The following RPSA2 variants were observed in gnomAD, a reference collection of about 807,000 sequenced individuals.
RPSA2 encodes the protein small ribosomal subunit protein uS2B.
At chr19:23,858,059 G>C in the RPSA2 span, among the ~76,000 whole-genome samples, 3 of 151,518 alleles carry the variant, frequency 2.0e-5, no homozygotes, top group East Asian at 5.9e-4. Flanking sequence ...TTACTTTGGG[G>C]TTTGTGCATG....
the RPSA2 span, among the ~76,000 whole-genome samples, chr19:23,858,728 C>T: frequency 2.1e-3 from 315 of 152,310 alleles, 1 homozygote; most frequent in Middle Eastern, 0.017. Context: ...AAAATGGTAG[C>T]TCCATCTTCC....
the RPSA2 span, chr19:23,758,871 G>A: frequency 2.9e-6 from 4 of 1,402,424 alleles, no homozygotes; most frequent in East Asian, 2.3e-5. Flanking sequence ...GAGACCCGGA[G>A]CTCGGGCTGA....
At chr19:23,800,266 T>G in the RPSA2 span, among the ~76,000 whole-genome samples, 1 of 152,014 alleles carries the variant, frequency 6.6e-6, no homozygotes, top group Non-Finnish European at 1.5e-5. Context: ...ATGGTCTCTA[T>G]CTCCTGATTT....
chr19:23,827,506 C>A, the RPSA2 span: 1 of 1,597,078 alleles, frequency 6.3e-7, no homozygotes. Context: ...TCCAGGCAGC[C>A]TTCTGGGAGC....
At chr19:23,851,134 GT>G in the RPSA2 span, among the ~76,000 whole-genome samples, 1 of 152,200 alleles carries the variant, frequency 6.6e-6, no homozygotes, top group Admixed American at 6.5e-5. Flanking sequence ...GCCTGAAAAG[GT>G]GTCTACAGAA....
the RPSA2 span, chr19:23,818,004 T>G: frequency 6.6e-6 from 1 of 152,146 alleles, no homozygotes; most frequent in Non-Finnish European, 1.5e-5. Flanking sequence ...AAATTGTTTT[T>G]CCCATCATTG....
chr19:23,811,303 C>A, the RPSA2 span, among the ~76,000 whole-genome samples: 1 of 152,156 alleles, frequency 6.6e-6, no homozygotes, highest in Non-Finnish European at 1.5e-5. Context: ...AGGTGTAAGC[C>A]AATGTGCCTG....
chr19:23,761,927 TTTTTTTTTGAGATGGA>T, the RPSA2 span, among the ~76,000 whole-genome samples: 2 of 62,354 alleles, frequency 3.2e-5, no homozygotes, highest in Non-Finnish European at 5.7e-5. Context: ...TTTCTTTTTT[TTTTTTTTTGAGATGGA>T]GTCTTGCTCT....
chr19:23,856,389 G>T, the RPSA2 span, among the ~76,000 whole-genome samples: 1 of 151,962 alleles, frequency 6.6e-6, no homozygotes, highest in Admixed American at 6.5e-5. Context: ...TATTTTCCAT[G>T]GTCACTCAAA....
the RPSA2 span, among the ~76,000 whole-genome samples, chr19:23,822,335 A>G: frequency 4.6e-5 from 7 of 152,328 alleles, no homozygotes; most frequent in East Asian, 7.7e-4. Flanking sequence ...CTTCAGGCAC[A>G]CTGGCTTCTA....
At chr19:23,847,077 C>A in the RPSA2 span, among the ~76,000 whole-genome samples, 1 of 151,970 alleles carries the variant, frequency 6.6e-6, no homozygotes, top group Non-Finnish European at 1.5e-5. Flanking sequence ...ATTTTTGTCT[C>A]AGTAAATTAT....
the RPSA2 span, among the ~76,000 whole-genome samples, chr19:23,773,577 C>T: frequency 2.6e-5 from 4 of 152,154 alleles, no homozygotes; most frequent in African/African-American, 7.2e-5. Flanking sequence ...CCACCACAGC[C>T]GGCCTGGAGA....
the RPSA2 span, among the ~76,000 whole-genome samples, chr19:23,821,498 C>CCA: frequency 6.6e-6 from 1 of 152,132 alleles, no homozygotes; most frequent in South Asian, 2.1e-4. Flanking sequence ...GGGACTTCTT[C>CCA]CCTGCCTCCC....
the RPSA2 span, among the ~76,000 whole-genome samples, chr19:23,806,068 G>C: frequency 1.0e-4 from 12 of 114,496 alleles, no homozygotes; most frequent in African/African-American, 3.7e-4. Flanking sequence ...TTTTTGAGAC[G>C]GAACCTCACT....
chr19:23,813,342 A>C, the RPSA2 span, among the ~76,000 whole-genome samples: 2 of 152,074 alleles, frequency 1.3e-5, no homozygotes, highest in African/African-American at 2.4e-5. Flanking sequence ...CTCAATATCC[A>C]TTAAATAACA....
chr19:23,863,105 G>T, the RPSA2 span, among the ~76,000 whole-genome samples: 3 of 152,076 alleles, frequency 2.0e-5, no homozygotes, highest in African/African-American at 7.2e-5. Flanking sequence ...TGATGAGTGT[G>T]TTTGGCTTAA....
the RPSA2 span, among the ~76,000 whole-genome samples, chr19:23,836,389 A>ACC: frequency 7.9e-5 from 12 of 151,582 alleles, no homozygotes; most frequent in East Asian, 5.8e-4. Context: ...ACACACACAC[A>ACC]CCCCACAGTT....
the RPSA2 span, chr19:23,832,280 G>A: frequency 2.0e-5 from 9 of 451,046 alleles, no homozygotes; most frequent in African/African-American, 1.8e-4. Flanking sequence ...AAACATAAGA[G>A]AATTCATACT....
chr19:23,854,266 A>G, the RPSA2 span, among the ~76,000 whole-genome samples: 2 of 152,134 alleles, frequency 1.3e-5, no homozygotes, highest in Non-Finnish European at 2.9e-5. Context: ...CTGAACCTTG[A>G]GGTAAAGGGC....
Sources: gnomAD v4.1 joint callset for allele counts (sites outside exome capture counted in the v4.1 genomes callset) on GRCh38, gnomAD v4.1.1 for gene constraint, MANE v1.5 for transcripts, NCBI Gene and HGNC (gene_info 2026-07-23, HGNC 2026-07-21) for gene names.